Variants in OXSR1 observed in about 807,000 individuals in gnomAD.
OXSR1 encodes oxidative stress responsive kinase 1.
A neutral mutation model predicts 79.8 loss-of-function variants in OXSR1; 24 were observed. The ratio of observed to expected loss-of-function variants is 0.30; its 90% confidence interval spans 0.22 to 0.42. The LOEUF (loss-of-function observed/expected upper bound fraction) is 0.42. Among genes scored for constraint, OXSR1 ranks in the 10% least tolerant of loss-of-function variants. The pLI is 1.00. For synonymous variants in OXSR1, 226 were observed against 209.2 expected (o/e 1.08, Z -0.69); for missense variants, 430 against 618.4 (o/e 0.70, Z 3.23).
At chr3:38,213,986 A>G (rs1041862894) in intron 4 of OXSR1, among the ~76,000 whole-genome samples, 1 of 152,188 alleles carries the variant, frequency 6.6e-6, no homozygotes, top group Non-Finnish European at 1.5e-5. Context: ...TTTATGGTTT[A>G]GATACACCAC....
At position 38,198,793 on chromosome 3, in the gene OXSR1, A is replaced by G. The variant is rs1702111243; in HGVS notation, c.364A>G (p.Thr122Ala). The change falls in exon 4 of 18, where the codon ACC (threonine) becomes GCC (alanine). Residue 122 changes from threonine to alanine, a missense_variant. By Grantham distance (58) the Thr-to-Ala change is moderately conservative. This residue lies in a region of OXSR1 where 145 missense variants were observed against 228.3 expected (regional missense o/e 0.64). Coordinates refer to ENST00000311806, the MANE Select transcript of OXSR1 (RefSeq NM_005109.3). The stretch of plus-strand genomic sequence containing the variant: ...CAAAAGTGGAGTCCTAGATGAATCT[A>G]CCATTGCTACGATACTCCGAGAAGT... Reference protein sequence around the residue: ...EHKSGVLDESTIATILREVLE... With the variant: ...EHKSGVLDESAIATILREVLE... 1.9e-6 allele frequency: 3 copies of G among 1,612,866 alleles called. No homozygotes were observed. Among genetic ancestry groups the G allele is most frequent in the African/African-American group, 1.3e-5 (1 of 74,908 alleles).
At chr3:38,174,143 G>C (rs1212921842) in intron 1 of OXSR1, among the ~76,000 whole-genome samples, 5 of 152,208 alleles carry the variant, frequency 3.3e-5, no homozygotes. Context: ...TAGGTGAAGA[G>C]GTTAGAAAGG....
At chr3:38,197,497 G>T (rs1702090821) in intron 3 of OXSR1, among the ~76,000 whole-genome samples, 2 of 152,166 alleles carry the variant, frequency 1.3e-5, no homozygotes, top group South Asian at 4.1e-4. Context: ...TGTCCTAAAT[G>T]GCATAGCTCC....
At chr3:38,216,593 GT>G (rs1702486689) in intron 5 of OXSR1, among the ~76,000 whole-genome samples, 2 of 152,182 alleles carry the variant, frequency 1.3e-5, no homozygotes, top group South Asian at 4.1e-4. Flanking sequence ...ACTTTTGGCA[GT>G]TTCAGAGCTG....
chr3:38,195,438 T>A (rs968915305), intron 3 of OXSR1, among the ~76,000 whole-genome samples: 3 of 152,196 alleles, frequency 2.0e-5, no homozygotes, highest in Non-Finnish European at 4.4e-5. Flanking sequence ...TGCAGGGTTT[T>A]AAAATTTCTG....
At chr3:38,217,624 T>C (rs1460967844) in intron 5 of OXSR1, among the ~76,000 whole-genome samples, 1 of 152,206 alleles carries the variant, frequency 6.6e-6, no homozygotes, top group East Asian at 1.9e-4. Context: ...GCCTTCCAGG[T>C]TCAAAAGATT....
At chr3:38,219,020 C>A (rs1024212857) in intron 5 of OXSR1, among the ~76,000 whole-genome samples, 8 of 152,068 alleles carry the variant, frequency 5.3e-5, no homozygotes, top group Admixed American at 3.9e-4. Context: ...CTAAGTTACT[C>A]TTTCTCTTTA....
intron 3 of OXSR1, among the ~76,000 whole-genome samples, chr3:38,194,733 A>G (rs1230321730): frequency 1.3e-5 from 2 of 152,082 alleles, no homozygotes; most frequent in East Asian, 1.9e-4. Context: ...AGAGAAGAGG[A>G]CTATTGGTAG....
Position 38,198,767 on chromosome 3 carries a change from A to C in OXSR1, c.338A>C (p.His113Pro). Residue 113 changes from histidine (H) to proline (P), a missense_variant, in exon 4 of 18, where the codon CAC becomes CCC. Physicochemically the swap from His to Pro is moderately conservative, Grantham distance 77. This residue lies in a region of OXSR1 where 145 missense variants were observed against 228.3 expected (regional missense o/e 0.64). Transcript: ENST00000311806. ...IIKHIVAKGE[H>P]KSGVLDESTI... The stretch of plus-strand genomic sequence containing the variant: ...AAGCACATTGTGGCAAAAGGGGAAC[A>C]CAAAAGTGGAGTCCTAGATGAATCT... The C allele has an allele frequency of 6.2e-7, 1 of 1,613,438 alleles. No homozygotes were observed. Among genetic ancestry groups the C allele is most frequent in the East Asian group, 2.2e-5 (1 of 44,846 alleles).
At chr3:38,227,635 G>A (rs56323504) in intron 8 of OXSR1, among the ~76,000 whole-genome samples, 22,443 of 151,414 alleles carry the variant, frequency 0.15, 2,255 homozygotes, top group African/African-American at 0.29. Flanking sequence ...ACTAGAGAGA[G>A]TATAGGAGAA....
rs547765437 is a variant in OXSR1 at position 38,212,358 on chromosome 3, T to TA, written c.435-3737dup. Among the ~76,000 whole-genome samples the TA allele has an allele frequency of 1.4e-4, 22 of 152,360 alleles. No individual in the cohort carries two copies. The East Asian group carries it at 4.0e-3, about 28-fold the overall frequency. On this transcript the variant is annotated intron_variant, in intron 4 of 17. Coordinates refer to ENST00000311806, the MANE Select transcript of OXSR1 (RefSeq NM_005109.3). ...AGGTAAAGTAATTTTCCTCTGTCTCTACTGTGTTTCCTCTTTGACTTCTAG... is the reference window on the plus strand; with the variant it reads ...AGGTAAAGTAATTTTCCTCTGTCTCTAACTGTGTTTCCTCTTTGACTTCTAG...
chr3:38,229,638 C>A, intron 8 of OXSR1, 49 bp from the exon 9 acceptor site: 1 of 1,493,818 alleles, frequency 6.7e-7, no homozygotes, highest in Non-Finnish European at 9.3e-7. Context: ...TCTGACATTA[C>A]ACTTGAATTA....
At chr3:38,181,136 G>A (rs929694298) in intron 1 of OXSR1, among the ~76,000 whole-genome samples, 7 of 143,224 alleles carry the variant, frequency 4.9e-5, no homozygotes, top group African/African-American at 1.3e-4. Flanking sequence ...TTTTTCCCTA[G>A]TCTGTTTTCT....
At chr3:38,174,525 T>G (rs1442773110) in intron 1 of OXSR1, among the ~76,000 whole-genome samples, 1 of 152,072 alleles carries the variant, frequency 6.6e-6, no homozygotes. Context: ...GAGGTTGCAG[T>G]GAGCCGAGAT....
Position 38,165,803 on chromosome 3 carries a change from G to T in OXSR1, c.-74G>T. 4 of 1,325,166 alleles carry T rather than the reference G, an allele frequency of 3.0e-6. No homozygotes were observed. The highest frequency in any genetic ancestry group is 4.2e-6 in the Non-Finnish European group (4 of 942,000). The allele number at this position is 1,325,166 out of a possible 1,614,324, so 82.1% of individuals were successfully genotyped here. On this transcript the variant is annotated 5_prime_UTR_variant, in exon 1 of 18. Transcript: ENST00000311806. ...GCGGCGGCGGCGGCGGCTGTTGGGG[G>T]TGGGGAGACGCGCGGCGAGGAGACG...
At chr3:38,229,639 A>T in intron 8 of OXSR1, 48 bp from the exon 9 acceptor site, 1 of 1,504,458 alleles carries the variant, frequency 6.6e-7, no homozygotes, top group Non-Finnish European at 9.2e-7. Context: ...CTGACATTAC[A>T]CTTGAATTAA....
At chr3:38,251,290 A>T in intron 15 of OXSR1, 113 bp from the exon 16 acceptor site, 1 of 807,772 alleles carries the variant, frequency 1.2e-6, no homozygotes, top group Admixed American at 1.8e-5. Flanking sequence ...GGTTCTGTGG[A>T]TTTAGCATCC....
At chr3:38,200,163 C>G (rs544609804) in intron 4 of OXSR1, among the ~76,000 whole-genome samples, 5 of 152,286 alleles carry the variant, frequency 3.3e-5, no homozygotes, top group Admixed American at 6.5e-5. Flanking sequence ...ATGGTGGGCT[C>G]TCCTGCAACT....
intron 5 of OXSR1, among the ~76,000 whole-genome samples, chr3:38,221,293 T>C (rs1400854303): frequency 2.0e-5 from 3 of 152,070 alleles, no homozygotes; most frequent in Non-Finnish European, 1.5e-5. Flanking sequence ...TTTTGTTTTT[T>C]TTGTTTTGTA....
Sources: allele counts gnomAD v4.1 joint callset (sites outside exome capture counted in the v4.1 genomes callset), GRCh38; gene constraint gnomAD v4.1.1; regional missense constraint gnomAD v4.1.1; transcripts MANE v1.5; gene names NCBI Gene and HGNC (gene_info 2026-07-23, HGNC 2026-07-21).